Variants in CFAP92 observed in about 807,000 individuals in gnomAD.
CFAP92 encodes uncharacterized protein CFAP92.
CFAP92 carries 86 observed loss-of-function variants against 106.3 expected under a neutral mutation model. That is an observed-to-expected ratio of 0.81 (90% CI 0.68 to 0.97). CFAP92 has a LOEUF of 0.97. Among genes scored for constraint, CFAP92 ranks in the 50% least tolerant of loss-of-function variants. The pLI, the probability that CFAP92 is intolerant of heterozygous loss-of-function variation, is 0.00. For missense variants in CFAP92, 1,204 were observed against 1,283.8 expected, an observed-to-expected ratio of 0.94 and a Z score of 0.95; for synonymous variants, 477 against 506.4, an observed-to-expected ratio of 0.94 and a Z score of 0.78.
intron 10 of CFAP92, 144 bp from the exon 11 acceptor site, chr3:128,935,463 G>GC (rs1938898215): frequency 1.9e-6 from 1 of 519,500 alleles, no homozygotes; most frequent in Admixed American, 3.2e-5. Flanking sequence ...TATAATCCCA[G>GC]CACTTTGGGA....
Position 128,962,024 on chromosome 3 carries a change from C to T in CFAP92, c.1353+3487G>A, listed in dbSNP as rs890371447. On this transcript the variant is annotated intron_variant, in intron 9 of 15. Transcript: ENST00000645291. ...CCACCAGGCCAAGGAATGCCCGCAG[C>T]CCAGGATTCCTCCTAAGCCGTGTCC... Among the ~76,000 whole-genome samples the T allele has an allele frequency of 6.6e-5, 10 of 152,290 alleles. No individual in the cohort carries two copies. In the South Asian group the frequency reaches 1.7e-3, roughly 25 times the overall value.
At chr3:128,947,856 G>C (rs755461177) in intron 9 of CFAP92, among the ~76,000 whole-genome samples, 2 of 151,482 alleles carry the variant, frequency 1.3e-5, no homozygotes, top group East Asian at 3.9e-4. Context: ...AAAATTGATC[G>C]AAGATATAAA....
Position 128,975,857 on chromosome 3 carries a change from T to G in CFAP92, c.943A>C (p.Met315Leu). ...TCAATTAATTCCTTGATCTCCATCA[T>G]GCTTGCTCCTGCCAAAGAAATGGTT... ...TPTISLAGAS[M>L]MEIKELIESE... Residue 315 changes from methionine (M) to leucine (L), a missense_variant, in exon 7 of 16, where the codon ATG becomes CTG. By Grantham distance (15) the Met-to-Leu change is conservative. Transcript: ENST00000645291. 6.2e-7 allele frequency: 1 copy of G among 1,610,630 alleles called. No individual in the cohort carries two copies. The highest frequency in any genetic ancestry group is 8.5e-7 in the Non-Finnish European group (1 of 1,178,328).
chr3:128,940,125 A>T (rs1939483025), intron 10 of CFAP92, among the ~76,000 whole-genome samples: 1 of 152,210 alleles, frequency 6.6e-6, no homozygotes, highest in Non-Finnish European at 1.5e-5. Flanking sequence ...GCAGAATGTC[A>T]TGGTGTTTCA....
At chr3:129,015,002 C>G in the CFAP92 span, among the ~76,000 whole-genome samples, 1 of 152,196 alleles carries the variant, frequency 6.6e-6, no homozygotes, top group Admixed American at 6.5e-5. Context: ...CACTCCTGGA[C>G]AGCTGTCCTA....
intron 12 of CFAP92, 79 bp downstream of exon 12, chr3:128,932,621 T>C (rs1576427653): frequency 7.4e-7 from 1 of 1,355,052 alleles, no homozygotes; most frequent in Non-Finnish European, 9.8e-7. Flanking sequence ...CTCAGGAATA[T>C]GCCCTATGCC....
chr3:128,959,015 A>G (rs1048049395), intron 9 of CFAP92, among the ~76,000 whole-genome samples: 6 of 152,188 alleles, frequency 3.9e-5, no homozygotes, highest in Non-Finnish European at 7.3e-5. Flanking sequence ...GTTTGAGACC[A>G]GATTGACCAA....
the CFAP92 span, among the ~76,000 whole-genome samples, chr3:129,024,025 C>T: frequency 1.3e-5 from 2 of 152,198 alleles, no homozygotes; most frequent in Non-Finnish European, 2.9e-5. Flanking sequence ...CCTTTCCTTG[C>T]ACTTCCACCC....
intron 15 of CFAP92, among the ~76,000 whole-genome samples, chr3:128,911,436 T>C (rs1281057022): frequency 6.6e-6 from 1 of 151,944 alleles, no homozygotes; most frequent in East Asian, 2.0e-4. Flanking sequence ...TGCCTGGCTG[T>C]ATTCTCTTTT....
rs148959540 is a variant in CFAP92 at position 128,935,335 on chromosome 3, G to A, written c.2259-16C>T. On this transcript the variant is annotated splice_polypyrimidine_tract_variant and intron_variant, in intron 10 of 15. Coordinates refer to ENST00000645291, the MANE Select transcript of CFAP92 (RefSeq NM_001394090.1). The stretch of plus-strand genomic sequence containing the variant: ...CCTGGGAATCCTGCAAGAGACAGAA[G>A]GCCAAGAGCTAACTTGCATGGCAGC... The A allele has an allele frequency of 2.5e-5, 37 of 1,478,496 alleles. No individual in the cohort carries two copies. The East Asian group carries it at 3.0e-4, about 12-fold the overall frequency. The allele number at this position is 1,478,496 out of a possible 1,614,324, so 91.6% of individuals were successfully genotyped here.
chr3:129,001,945 G>C, intron 1 of CFAP92: 1 of 1,543,724 alleles, frequency 6.5e-7, no homozygotes. Flanking sequence ...GGGAACTCCA[G>C]AGATGTGACC....
upstream of CFAP92, among the ~76,000 whole-genome samples, chr3:129,004,538 C>T (rs961172482): frequency 4.7e-5 from 7 of 150,384 alleles, no homozygotes; most frequent in African/African-American, 1.7e-4. Flanking sequence ...ATCCCCCCAC[C>T]CACCCAGCCA....
rs1479777999 is a variant in CFAP92 at position 129,001,692 on chromosome 3, C to T, written n.117+882G>A. The T allele has an allele frequency of 1.0e-5, 15 of 1,489,794 alleles. No individual in the cohort carries two copies. In the East Asian group the frequency reaches 2.7e-4, roughly 27 times the overall value. 92.3% of individuals were successfully genotyped at this position (1,489,794 alleles called of 1,614,324 possible). ...GGGCGCGGGAGGTGACCCGTACCGG[C>T]GACCTGCGCGGCGCACGCAGTGGCT... On this transcript the variant is annotated intron_variant and non_coding_transcript_variant, in intron 1 of 4. Transcript: ENST00000510149.
chr3:128,976,921 T>C (rs1943193815), intron 6 of CFAP92, 58 bp downstream of exon 6: 3 of 1,323,620 alleles, frequency 2.3e-6, no homozygotes, highest in South Asian at 2.4e-5. Context: ...CGACTCATAG[T>C]AGGGCTAGTA....
At chr3:128,913,117 C>T (rs1161009103) in intron 15 of CFAP92, 2 of 444,080 alleles carry the variant, frequency 4.5e-6, no homozygotes, top group East Asian at 1.4e-4. Context: ...TACTGTTAGC[C>T]TTTGCTGTAC....
intron 2 of CFAP92, among the ~76,000 whole-genome samples, chr3:128,989,556 G>T (rs1944085478): frequency 6.6e-6 from 1 of 152,096 alleles, no homozygotes; most frequent in East Asian, 1.9e-4. Flanking sequence ...GGTACAGATG[G>T]GCTTCTGCCA....
intron 12 of CFAP92, among the ~76,000 whole-genome samples, chr3:128,926,285 G>A (rs533747938): frequency 5.3e-5 from 8 of 152,216 alleles, no homozygotes; most frequent in Non-Finnish European, 1.2e-4. Context: ...GGAAGGCTGA[G>A]ACAGGTGAAT....
chr3:128,976,098 CTG>C (rs1431302560), intron 6 of CFAP92, among the ~76,000 whole-genome samples, 195 bp from the exon 7 acceptor site: 1 of 152,172 alleles, frequency 6.6e-6, no homozygotes, highest in Non-Finnish European at 1.5e-5. Context: ...AATGTAGACT[CTG>C]GTTCAGTAAA....
intron 4 of CFAP92, among the ~76,000 whole-genome samples, chr3:128,981,954 G>A (rs527265087): frequency 8.5e-5 from 13 of 152,306 alleles, no homozygotes; most frequent in Non-Finnish European, 1.6e-4. Flanking sequence ...AGGCTTTGTT[G>A]TTCCATTTCT....
Sources: gnomAD v4.1 joint callset for allele counts (sites outside exome capture counted in the v4.1 genomes callset) on GRCh38, gnomAD v4.1.1 for gene constraint, MANE v1.5 for transcripts, NCBI Gene and HGNC (gene_info 2026-07-23, HGNC 2026-07-21) for gene names.